CREB5: variants seen among roughly 807,000 people sequenced by gnomAD.
The protein encoded by CREB5 is cAMP responsive element binding protein 5, also known as cyclic AMP-responsive element-binding protein 5.
A neutral mutation model predicts 57.1 loss-of-function variants in CREB5; 19 were observed. That is an observed-to-expected ratio of 0.33 (90% CI 0.23 to 0.49). The LOEUF (loss-of-function observed/expected upper bound fraction) is 0.49, where lower values mean the gene tolerates loss of function less well. Ranked by LOEUF, CREB5 falls within the 20% of genes least tolerant of loss-of-function variation. CREB5 has a pLI of 0.99. For missense variants in CREB5, 579 were observed against 671.6 expected, an observed-to-expected ratio of 0.86 and a Z score of 1.52; for synonymous variants, 238 against 238.3, an observed-to-expected ratio of 1.00 and a Z score of 0.01.
intron 1 of CREB5, among the ~76,000 whole-genome samples, chr7:28,356,942 G>A (rs953641393): frequency 2.0e-5 from 3 of 152,158 alleles, no homozygotes; most frequent in African/African-American, 7.2e-5. Flanking sequence ...AGGGCAACAT[G>A]GACACTGGGA....
At chr7:28,360,451 A>G (rs1316398755) in intron 1 of CREB5, among the ~76,000 whole-genome samples, 1 of 152,234 alleles carries the variant, frequency 6.6e-6, no homozygotes, top group Non-Finnish European at 1.5e-5. Flanking sequence ...GGTAAGTGAA[A>G]TAAGCCAGGC....
At chr7:28,300,746 A>G (rs767212995) in intron 1 of CREB5, among the ~76,000 whole-genome samples, 2 of 152,182 alleles carry the variant, frequency 1.3e-5, no homozygotes, top group African/African-American at 2.4e-5. Context: ...TTATAGACTC[A>G]TCTTTCTGTA....
rs1240662799 is a variant in CREB5 at position 28,560,899 on chromosome 7, T to TGC, written c.292-9460_292-9459dup. Among the ~76,000 whole-genome samples, 78 of 18,662 alleles carry TGC rather than the reference T, an allele frequency of 4.2e-3. 7 individuals carry two copies. Among genetic ancestry groups the TGC allele is most frequent in the Middle Eastern group, 0.029 (1 of 34 alleles). The allele number at this position is 18,662 out of a possible 152,430, so 12.2% of individuals were successfully genotyped here. A position where few individuals can be genotyped will look rare whatever the true frequency, so the allele number is the denominator to read the frequency against. On this transcript the variant is annotated intron_variant, in intron 4 of 10. Coordinates refer to ENST00000357727, the MANE Select transcript of CREB5 (RefSeq NM_182898.4). ...GCGTGCGTGCGTGCGTGTGTGTGCG[T>TGC]GCGCGCGTGCGTGTGCGTGTGTGCG...
chr7:28,737,565 A>ATG lies in CREB5; in HGVS notation c.702+13234_702+13235insGT, dbSNP rs1804083111. Among the ~76,000 whole-genome samples, 4 of 110,404 alleles carry ATG rather than the reference A, an allele frequency of 3.6e-5. 1 individual carries two copies. The highest frequency in any genetic ancestry group is 1.2e-4 in the African/African-American group (4 of 33,136). 72.4% of individuals were successfully genotyped at this position (110,404 alleles called of 152,430 possible). A position where few individuals can be genotyped will look rare whatever the true frequency, so the allele number is the denominator to read the frequency against. ...TATATATATATATATATATATATAT[A>ATG]TATATATATATATATATATATATTT... On this transcript the variant is annotated intron_variant, in intron 7 of 10. Coordinates refer to ENST00000357727, the MANE Select transcript of CREB5 (RefSeq NM_182898.4).
chr7:28,348,724 G>A (rs1220778153), intron 1 of CREB5, among the ~76,000 whole-genome samples: 1 of 152,098 alleles, frequency 6.6e-6, no homozygotes, highest in Non-Finnish European at 1.5e-5. Flanking sequence ...AGGTCCGCTA[G>A]CTTTCCTGGC....
chr7:28,550,044 A>C (rs1794564891), intron 4 of CREB5, among the ~76,000 whole-genome samples: 1 of 152,106 alleles, frequency 6.6e-6, no homozygotes, highest in South Asian at 2.1e-4. Context: ...AAGATATTTT[A>C]TCCATACTTT....
intron 1 of CREB5, among the ~76,000 whole-genome samples, chr7:28,485,508 A>G (rs2128592103): frequency 6.6e-6 from 1 of 152,130 alleles, no homozygotes; most frequent in East Asian, 1.9e-4. Context: ...ACTTTCCCAA[A>G]AAAACCCTCC....
chr7:28,478,733 A>G (rs914423095), intron 1 of CREB5, among the ~76,000 whole-genome samples: 12 of 152,178 alleles, frequency 7.9e-5, no homozygotes, highest in Non-Finnish European at 1.5e-4. Flanking sequence ...TGTTGAGTCA[A>G]CACTGCTGTA....
At chr7:28,394,253 A>G (rs1161828637) in intron 1 of CREB5, among the ~76,000 whole-genome samples, 2 of 152,076 alleles carry the variant, frequency 1.3e-5, no homozygotes, top group African/African-American at 4.8e-5. Flanking sequence ...GAAGGCATAA[A>G]AAGAGTAGAA....
At chr7:28,419,313 T>G (rs1788142789) in intron 1 of CREB5, among the ~76,000 whole-genome samples, 1 of 152,242 alleles carries the variant, frequency 6.6e-6, no homozygotes, top group Non-Finnish European at 1.5e-5. Flanking sequence ...ATAAAACACT[T>G]TAGCCCTTGT....
chr7:28,772,687 TA>T (rs1031341821), intron 7 of CREB5, among the ~76,000 whole-genome samples: 1 of 152,194 alleles, frequency 6.6e-6, no homozygotes, highest in Admixed American at 6.5e-5. Context: ...AGCAAAGCAG[TA>T]AAGCCTTTAT....
intron 1 of CREB5, among the ~76,000 whole-genome samples, chr7:28,345,734 G>A (rs1786045440): frequency 6.6e-6 from 1 of 152,166 alleles, no homozygotes; most frequent in Non-Finnish European, 1.5e-5. Flanking sequence ...CAGGATGGTG[G>A]GAGCTGCTGA....
intron 4 of CREB5, among the ~76,000 whole-genome samples, chr7:28,515,870 T>A (rs112249082): frequency 7.8e-5 from 11 of 141,910 alleles, no homozygotes; most frequent in Middle Eastern, 3.5e-3. Flanking sequence ...TGAATGCATT[T>A]AAAAAAAAAC....
chr7:28,749,125 G>T (rs1479070845), intron 7 of CREB5, among the ~76,000 whole-genome samples: 4 of 152,192 alleles, frequency 2.6e-5, no homozygotes, highest in Admixed American at 2.0e-4. Context: ...TATTCTCTGA[G>T]TGTTTCAGCA....
At chr7:28,589,262 G>T (rs1796407712) in intron 5 of CREB5, among the ~76,000 whole-genome samples, 1 of 152,122 alleles carries the variant, frequency 6.6e-6, no homozygotes, top group Admixed American at 6.5e-5. Flanking sequence ...CATTAATAGA[G>T]TTGATATTTG....
chr7:28,519,552 C>G, intron 4 of CREB5, among the ~76,000 whole-genome samples: 1 of 152,136 alleles, frequency 6.6e-6, no homozygotes, highest in East Asian at 1.9e-4. Flanking sequence ...TTGCACAAAT[C>G]TAAACACACG....
At chr7:28,806,046 T>C (rs112900242) in intron 8 of CREB5, among the ~76,000 whole-genome samples, 197 of 152,232 alleles carry the variant, frequency 1.3e-3, no homozygotes, top group African/African-American at 4.5e-3. Context: ...ATGGGCAAAT[T>C]GATTCACATT....
chr7:28,366,257 T>G (rs1786584184), intron 1 of CREB5, among the ~76,000 whole-genome samples: 1 of 152,294 alleles, frequency 6.6e-6, no homozygotes, highest in African/African-American at 2.4e-5. Flanking sequence ...TTTTTTAGAT[T>G]TAGTTATTAT....
intron 4 of CREB5, among the ~76,000 whole-genome samples, chr7:28,532,921 C>T (rs1793789607): frequency 6.6e-6 from 1 of 152,210 alleles, no homozygotes; most frequent in Admixed American, 6.5e-5. Flanking sequence ...TAACTTAGAA[C>T]TGTGTTTAGC....
Sources: gnomAD v4.1 joint callset for allele counts (sites outside exome capture counted in the v4.1 genomes callset) on GRCh38, gnomAD v4.1.1 for gene constraint, MANE v1.5 for transcripts, NCBI Gene and HGNC (gene_info 2026-07-23, HGNC 2026-07-21) for gene names.